The following PSRC1 variants were observed in gnomAD, a reference collection of about 807,000 sequenced individuals.
The protein encoded by PSRC1 is proline/serine-rich coiled-coil protein 1.
A neutral mutation model predicts 31.9 loss-of-function variants in PSRC1; 30 were observed. That is an observed-to-expected ratio of 0.94 (90% confidence interval 0.70 to 1.28). The LOEUF (loss-of-function observed/expected upper bound fraction) is 1.28, where lower values mean the gene tolerates loss of function less well. Ranked by LOEUF, PSRC1 falls within the 50% of genes most tolerant of loss-of-function variation. PSRC1 has a pLI of 0.00. For synonymous variants in PSRC1, 191 were observed against 192.1 expected (o/e 0.99, Z 0.05); for missense variants, 481 against 472.8 (o/e 1.02, Z -0.16).
chr1:109,282,905 C>A, intron 1 of PSRC1, 158 bp downstream of exon 1: 1 of 634,938 alleles, frequency 1.6e-6, no homozygotes, highest in Admixed American at 2.8e-5. Flanking sequence ...ACGGAGGGCT[C>A]CCCCAACTGC....
At chr1:109,282,251 A>G (rs1187516271) in intron 3 of PSRC1, 191 bp from the exon 4 acceptor site, 8 of 621,380 alleles carry the variant, frequency 1.3e-5, no homozygotes, top group African/African-American at 3.7e-5. Flanking sequence ...GGCCTTTAGC[A>G]TTTACGGACA....
exon 4 of PSRC1, chr1:109,281,992 C>T (rs1204382799): frequency 5.9e-6 from 9 of 1,517,316 alleles, no homozygotes; most frequent in Non-Finnish European, 7.9e-6. Flanking sequence ...TGGGTCACTT[C>T]GGTGGGAGAG....
intron 3 of PSRC1, 101 bp from the exon 4 acceptor site, chr1:109,282,161 G>T: frequency 9.0e-7 from 1 of 1,108,890 alleles, no homozygotes; most frequent in African/African-American, 1.6e-5. Flanking sequence ...CCAGGGACAT[G>T]ACCCTAGGCC....
At position 109,281,442 on chromosome 1, in the gene PSRC1, CAT is replaced by C. The variant is rs1017651592; in HGVS notation, c.519+175_519+176del. 17 of 741,842 alleles carry C rather than the reference CAT, an allele frequency of 2.3e-5. 1 individual carries two copies. The African/African-American group carries it at 3.0e-4, about 13-fold the overall frequency. The allele number at this position is 741,842 out of a possible 1,614,324, so 46.0% of individuals were successfully genotyped here. On this transcript the variant is annotated intron_variant, in intron 4 of 6. Coordinates refer to ENST00000409138, the Ensembl canonical transcript of PSRC1. ...TACCATTTATTGAGTTTATCATAGACATATACTCAGACACTGTGGTAAGAGTT... is the reference window on the plus strand; with the variant it reads ...TACCATTTATTGAGTTTATCATAGACATACTCAGACACTGTGGTAAGAGTT...
exon 4 of PSRC1, chr1:109,281,656 C>T (rs758116763): frequency 1.9e-5 from 30 of 1,613,720 alleles, no homozygotes; most frequent in East Asian, 4.5e-5. Context: ...AGATGTAGCC[C>T]GGAGAGCCCT....
exon 4 of PSRC1, chr1:109,281,647 G>A (rs1570816378): frequency 6.2e-7 from 1 of 1,613,550 alleles, no homozygotes; most frequent in Admixed American, 1.7e-5. Flanking sequence ...CCTCTTTCCA[G>A]ATGTAGCCCG....
exon 5 of PSRC1, chr1:109,280,899 G>C: frequency 6.2e-7 from 1 of 1,614,138 alleles, no homozygotes; most frequent in Non-Finnish European, 8.5e-7. Context: ...GCTGGTGAGT[G>C]GCATTCGGCT....
chr1:109,281,328 A>G, intron 4 of PSRC1, 77 bp from the exon 5 acceptor site: 1 of 1,273,768 alleles, frequency 7.9e-7, no homozygotes. Flanking sequence ...ATTAAGAAAT[A>G]GAGGTGGAGA....
chr1:109,281,944 C>A, exon 4 of PSRC1: 1 of 1,575,806 alleles, frequency 6.3e-7, no homozygotes, highest in South Asian at 1.2e-5. Context: ...GGGGCCTAGG[C>A]TGAGCCTCAC....
At chr1:109,282,200 G>T in intron 3 of PSRC1, 140 bp from the exon 4 acceptor site, 1 of 769,408 alleles carries the variant, frequency 1.3e-6, no homozygotes, top group African/African-American at 1.7e-5. Flanking sequence ...GTGAGATGTG[G>T]CCTCTGGGCG....
exon 4 of PSRC1, chr1:109,281,698 C>T (rs145061224): frequency 8.6e-5 from 138 of 1,613,872 alleles, no homozygotes; most frequent in African/African-American, 1.1e-4. Context: ...ACTCCGGAGT[C>T]GAGGCGTCAG....
chr1:109,283,043 G>T lies in PSRC1; in HGVS notation c.-34+31C>A. Reference sequence around the variant, plus strand: ...CCCAAGCCACCTTTCCACTCCCCTGGCATCACACGCGAAGCACACCTCCAG... The same window carrying T: ...CCCAAGCCACCTTTCCACTCCCCTGTCATCACACGCGAAGCACACCTCCAG... On this transcript the variant is annotated intron_variant, in intron 1 of 6. Transcript: ENST00000409138. 2.4e-6 allele frequency: 1 copy of T among 421,898 alleles called. No individual in the cohort carries two copies. The highest frequency in any genetic ancestry group is 6.3e-4 in the Middle Eastern group (1 of 1,576). The allele number at this position is 421,898 out of a possible 1,614,324, so 26.1% of individuals were successfully genotyped here. A position where few individuals can be genotyped will look rare whatever the true frequency, so the allele number is the denominator to read the frequency against.
At chr1:109,281,646 A>G (rs370260917) in exon 4 of PSRC1, 2 of 1,613,258 alleles carry the variant, frequency 1.2e-6, no homozygotes. Flanking sequence ...GCCTCTTTCC[A>G]GATGTAGCCC....
chr1:109,281,344 C>A, intron 4 of PSRC1, 93 bp from the exon 5 acceptor site: 1 of 1,145,642 alleles, frequency 8.7e-7, no homozygotes, highest in South Asian at 1.6e-5. Flanking sequence ...GGAGAGTTGT[C>A]TACATCCCAG....
chr1:109,282,732 C>A lies in PSRC1; in HGVS notation c.-33-1G>T, dbSNP rs1423609360. The A allele has an allele frequency of 6.5e-7, 1 of 1,550,126 alleles. No individual in the cohort carries two copies. Among genetic ancestry groups the A allele is most frequent in the Admixed American group, 2.0e-5 (1 of 51,012 alleles). ...AGCAGGAGCGAGAGTCCAGTTAGAT[C>A]TGAGCTGGAGAGAAACCATACCTTT... is the stretch of plus-strand genomic sequence containing the variant. On this transcript the variant is annotated splice_acceptor_variant, in intron 1 of 6. Coordinates refer to ENST00000409138, the Ensembl canonical transcript of PSRC1. LOFTEE classifies it low-confidence loss of function (5UTR_SPLICE).
At chr1:109,280,043 C>T in exon 7 of PSRC1, 3 of 1,455,010 alleles carry the variant, frequency 2.1e-6, no homozygotes, top group Admixed American at 1.7e-5. Context: ...ATCTCTTCCT[C>T]CTGTCCCTGG....
chr1:109,282,814 T>C, intron 1 of PSRC1, 78 bp from the exon 2 acceptor site: 1 of 1,422,388 alleles, frequency 7.0e-7, no homozygotes, highest in South Asian at 1.3e-5. Context: ...CAAGCCAGGG[T>C]CGGGGGTCAT....
exon 5 of PSRC1, chr1:109,281,241 G>C: frequency 2.5e-6 from 4 of 1,597,166 alleles, no homozygotes; most frequent in Non-Finnish European, 3.4e-6. Context: ...CAGATTGCAA[G>C]TGGGTGACTC....
chr1:109,280,094 A>C, exon 7 of PSRC1: 1 of 1,613,180 alleles, frequency 6.2e-7, no homozygotes. Context: ...GGTAGAGGCG[A>C]GTCCAGGTAC....
Sources: gnomAD v4.1 joint callset for allele counts on GRCh38, gnomAD v4.1.1 for gene constraint, MANE v1.5 for transcripts, NCBI Gene and HGNC (gene_info 2026-07-23, HGNC 2026-07-21) for gene names.